KLHL33: variants seen among roughly 807,000 people sequenced by gnomAD.
KLHL33 encodes kelch-like protein 33.
KLHL33 carries 46 observed loss-of-function variants against 60.8 expected under a neutral mutation model. The observed-to-expected ratio is 0.76, with a 90% CI of 0.60 to 0.97. The LOEUF (loss-of-function observed/expected upper bound fraction) is 0.97, where lower values mean the gene tolerates loss of function less well. Ranked by LOEUF, KLHL33 falls within the 50% of genes least tolerant of loss-of-function variation. KLHL33 has a pLI of 0.00. For synonymous variants in KLHL33, 434 were observed against 432.2 expected (o/e 1.00, Z -0.05); for missense variants, 1,055 against 1,000.0 (o/e 1.05, Z -0.74).
Position 20,430,306 on chromosome 14 carries a change from C to G in KLHL33, c.1162G>C (p.Asp388His). ...LPAACLAELL[D>H]SDELHVQEEF... ...TCCTGCACATGGAGCTCATCACTAT[C>G]CAGGAGCTCAGCCAAGCAGGCAGCT... The change falls in exon 3 of 5, where the codon GAT becomes CAT. Residue 388 changes from aspartate (D) to histidine (H), a missense_variant. Coordinates refer to ENST00000636854, the MANE Select transcript of KLHL33 (RefSeq NM_001365790.2). 1 of 1,551,820 alleles carries G rather than the reference C, an allele frequency of 6.4e-7. No individual in the cohort carries two copies. The highest frequency in any genetic ancestry group is 1.7e-4 in the Middle Eastern group (1 of 5,992).
At chr14:20,432,984 A>AAGAG (rs1555330533) in intron 2 of KLHL33, among the ~76,000 whole-genome samples, 2 of 151,608 alleles carry the variant, frequency 1.3e-5, no homozygotes, top group East Asian at 3.9e-4. Flanking sequence ...GAAAGAAAGA[A>AAGAG]AGAGAGAAAT....
Position 20,428,604 on chromosome 14 carries a change from T to TA in KLHL33, c.*244_*245insT. On this transcript the variant is annotated 3_prime_UTR_variant, in exon 5 of 5. Transcript: ENST00000636854. ...TAAGAATCCCTAAGCCTTGTGGAGT[T>TA]GCTCCCGAGTCTCCTTTCCTCACCT... is the stretch of plus-strand genomic sequence containing the variant. 2.1e-6 allele frequency: 1 copy of TA among 487,122 alleles called. No homozygotes were observed. The highest frequency in any genetic ancestry group is 3.7e-6 in the Non-Finnish European group (1 of 273,184). 30.2% of individuals were successfully genotyped at this position (487,122 alleles called of 1,614,324 possible). A position where few individuals can be genotyped will look rare whatever the true frequency, so the allele number is the denominator to read the frequency against.
chr14:20,429,986 T>C lies in KLHL33; in HGVS notation c.1482A>G (p.Arg494=). 1 of 1,551,640 alleles carries C rather than the reference T, an allele frequency of 6.4e-7. No homozygotes were observed. Among genetic ancestry groups the C allele is most frequent in the Non-Finnish European group, 8.7e-7 (1 of 1,146,982 alleles). Residue 494 remains arginine, a synonymous_variant, in exon 3 of 5, where the codon CGA becomes CGG. Coordinates refer to ENST00000636854, the MANE Select transcript of KLHL33 (RefSeq NM_001365790.2). ...GGAAGGCCCGGGCCCACCACACTGC[T>C]CGGGATGGTTGTCTTAGGGCCATGT... ...RPDMALRQPS[R]AVWWARAFRC...
At chr14:20,434,581 A>G (rs926287307) in intron 2 of KLHL33, among the ~76,000 whole-genome samples, 14 of 151,354 alleles carry the variant, frequency 9.2e-5, no homozygotes, top group Admixed American at 5.3e-4. Flanking sequence ...GTAACCTTAA[A>G]CAGTACCAGA....
chr14:20,433,655 C>G (rs12897016), intron 2 of KLHL33, among the ~76,000 whole-genome samples: 18,493 of 152,174 alleles, frequency 0.12, 1,270 homozygotes, highest in East Asian at 0.18. Flanking sequence ...GTGACAGATT[C>G]GCAACCATTA....
chr14:20,431,591 G>C (rs1017524847), intron 2 of KLHL33, among the ~76,000 whole-genome samples: 3 of 152,178 alleles, frequency 2.0e-5, no homozygotes, highest in Admixed American at 2.0e-4. Context: ...AGCCGGGCAT[G>C]GTGGCAGGCG....
Position 20,430,369 on chromosome 14 carries a change from G to C in KLHL33, c.1099C>G (p.Pro367Ala), listed in dbSNP as rs775687666. Residue 367 changes from proline to alanine, a missense_variant, in exon 3 of 5, where the codon CCT becomes GCT. Coordinates refer to ENST00000636854, the MANE Select transcript of KLHL33 (RefSeq NM_001365790.2). ...KARHYLLTHL[P>A]AVALCPAFPS... ...AAAGCAGGACACAAGGCTACAGCAG[G>C]CAGGTGGGTGAGGAGGTAGTGACGG... 9 of 1,551,874 alleles carry C rather than the reference G, an allele frequency of 5.8e-6. No homozygotes were observed. In the South Asian group the frequency reaches 5.9e-5, roughly 10 times the overall value.
rs1427163899 is a variant in KLHL33, at chr14:20,429,100, G to A, written c.2143C>T (p.Leu715=). The A allele has an allele frequency of 6.4e-7, 1 of 1,551,708 alleles. No individual in the cohort carries two copies. The highest frequency in any genetic ancestry group is 8.7e-7 in the Non-Finnish European group (1 of 1,147,000). The change falls in exon 5 of 5, where the codon CTA becomes TTA. Residue 715 remains leucine (L), a synonymous_variant. Transcript: ENST00000636854. ...RTDSWTHLAP[L]PSPHVGAASA... ...GCAGCCCCCACATGGGGGGAGGGTAGGGGTGCCAGGTGAGTCCAGCTATCA... is the reference window on the plus strand; with the variant it reads ...GCAGCCCCCACATGGGGGGAGGGTAAGGGTGCCAGGTGAGTCCAGCTATCA...
At chr14:20,430,895 C>T (rs1180161080) in intron 2 of KLHL33, among the ~76,000 whole-genome samples, 176 bp from the exon 3 acceptor site, 1 of 152,192 alleles carries the variant, frequency 6.6e-6, no homozygotes, top group Non-Finnish European at 1.5e-5. Context: ...TGTTAAAATG[C>T]AGGTTTCAGC....
Position 20,427,352 on chromosome 14 carries a change from A to T in KLHL33, c.*1497T>A, listed in dbSNP as rs867498075. 6.6e-6 allele frequency: 1 copy of T among 152,176 alleles called. No individual in the cohort carries two copies. The highest frequency in any genetic ancestry group is 6.5e-5 in the Admixed American group (1 of 15,274). 9.4% of individuals were successfully genotyped at this position (152,176 alleles called of 1,614,324 possible). A position where few individuals can be genotyped will look rare whatever the true frequency, so the allele number is the denominator to read the frequency against. On this transcript the variant is annotated 3_prime_UTR_variant, in exon 5 of 5. Coordinates refer to ENST00000636854, the MANE Select transcript of KLHL33 (RefSeq NM_001365790.2). ...TAGAGGGCGGGAATACACAATCATT[A>T]AGTGAAAGCCATTATCCTCAGGAAG... is the stretch of plus-strand genomic sequence containing the variant.
chr14:20,435,724 G>A lies in KLHL33; in HGVS notation c.88C>T (p.His30Tyr). The change falls in exon 2 of 5, where the codon CAC (histidine) becomes TAC (tyrosine). Residue 30 changes from histidine (H) to tyrosine (Y), a missense_variant. Coordinates refer to ENST00000636854, the MANE Select transcript of KLHL33 (RefSeq NM_001365790.2). ...VQRDCLGLLV[H>Y]AQRTPSWPPS... ...GGCCAGGAAGGGGTTCTCTGGGCGT[G>A]CACAAGGAGTCCAAGGCAGTCCCTC... 8.1e-7 allele frequency: 1 copy of A among 1,234,778 alleles called. No homozygotes were observed. The highest frequency in any genetic ancestry group is 1.0e-6 in the Non-Finnish European group (1 of 988,472). 76.5% of individuals were successfully genotyped at this position (1,234,778 alleles called of 1,614,324 possible).
At position 20,430,549 on chromosome 14, in the gene KLHL33, GC is replaced by G; in HGVS notation, c.918del (p.Leu307TyrfsTer2). ...YSGVVRARWPGLLRAAQAALQ... is the reference protein window; with the variant it reads ...YSGVVRARWPXLLRAAQAALQ... ...AGAGCAGCCTGGGCAGCTCTCAGTAGCCCTGGCCACCTTGCCCGCACAACTC... is the reference window on the plus strand; with the variant it reads ...AGAGCAGCCTGGGCAGCTCTCAGTAGCCTGGCCACCTTGCCCGCACAACTC... On this transcript the variant is annotated frameshift_variant, in exon 3 of 5. Transcript: ENST00000636854. LOFTEE classifies it high-confidence loss of function. The G allele has an allele frequency of 6.5e-7, 1 of 1,542,108 alleles. No homozygotes were observed. The highest frequency in any genetic ancestry group is 8.7e-7 in the Non-Finnish European group (1 of 1,147,008).
rs143205559 is a variant in KLHL33 at position 20,431,684 on chromosome 14, G to A, written c.749-965C>T. On this transcript the variant is annotated intron_variant, in intron 2 of 4. Coordinates refer to ENST00000636854, the MANE Select transcript of KLHL33 (RefSeq NM_001365790.2). ...GAGGGTTGCAATGAGCTGAGACTGC[G>A]CCGCTGCACCCAGCCTGGGTGACAG... 1.4e-3 allele frequency among the ~76,000 whole-genome samples: 210 copies of A among 152,318 alleles called. 1 individual carries two copies. Among genetic ancestry groups the A allele is most frequent in the African/African-American group, 4.5e-3 (186 of 41,568 alleles).
In KLHL33 at chr14:20,436,144, C is replaced by T. The variant is rs765193908; in HGVS notation, c.-65G>A. 1.2e-4 allele frequency: 23 copies of T among 191,786 alleles called. No homozygotes were observed. Among genetic ancestry groups the T allele is most frequent in the Non-Finnish European group, 2.3e-4 (22 of 94,750 alleles). 11.9% of individuals were successfully genotyped at this position (191,786 alleles called of 1,614,324 possible). ...CCGCTTGCCCTCTCACTTAAGCGCC[C>T]GCTGTGCTTGGGGCTGCGTGGCAGA... On this transcript the variant is annotated 5_prime_UTR_variant, in exon 1 of 5. Transcript: ENST00000636854.
In KLHL33 at chr14:20,435,405, C is replaced by T. The variant is rs1001676263; in HGVS notation, c.407G>A (p.Ser136Asn). The T allele has an allele frequency of 1.6e-6, 2 of 1,234,378 alleles. No homozygotes were observed. Among genetic ancestry groups the T allele is most frequent in the Non-Finnish European group, 2.0e-6 (2 of 988,162 alleles). 76.5% of individuals were successfully genotyped at this position (1,234,378 alleles called of 1,614,324 possible). A position where few individuals can be genotyped will look rare whatever the true frequency, so the allele number is the denominator to read the frequency against. Residue 136 changes from serine (S) to asparagine (N), a missense_variant, in exon 2 of 5, where the codon AGC becomes AAC. Coordinates refer to ENST00000636854, the MANE Select transcript of KLHL33 (RefSeq NM_001365790.2). ...VHRVILAAIS[S>N]LFRDRLLGGG... The stretch of plus-strand genomic sequence containing the variant: ...GCCCAGCAGCCTGTCTCGGAAGAGG[C>T]TGCTGATTGCGGCCAGGATCACCCG...
At chr14:20,432,930 GA>G (rs1383396545) in intron 2 of KLHL33, among the ~76,000 whole-genome samples, 2 of 135,134 alleles carry the variant, frequency 1.5e-5, no homozygotes, top group African/African-American at 5.8e-5. Context: ...TCAAAAAAAA[GA>G]AAGAAAGAAA....
At chr14:20,429,756 A>G (rs772149850) in intron 3 of KLHL33, 39 bp downstream of exon 3, 16 of 1,522,164 alleles carry the variant, frequency 1.1e-5, no homozygotes, top group Non-Finnish European at 1.4e-5. Context: ...TGCCCACCTT[A>G]GGGCCTGCCA....
In KLHL33 at chr14:20,430,452, C is replaced by G. The variant is rs1234449231; in HGVS notation, c.1016G>C (p.Cys339Ser). The G allele has an allele frequency of 1.3e-6, 2 of 1,551,600 alleles. No homozygotes were observed. Among genetic ancestry groups the G allele is most frequent in the Admixed American group, 3.9e-5 (2 of 51,012 alleles). ...TTCCGCCATGGGGAACAGGGCCAGG[C>G]AACGGGCAGGGCTGAGGCCCCGTGC... ...GLARGLSPARCLALFPMAEAP... is the reference protein window; with the variant it reads ...GLARGLSPARSLALFPMAEAP... Residue 339 changes from cysteine (C) to serine (S), a missense_variant, in exon 3 of 5, where the codon TGC becomes TCC. Transcript: ENST00000636854.
At position 20,435,352 on chromosome 14, in the gene KLHL33, G is replaced by T. The variant is rs991297275; in HGVS notation, c.460C>A (p.Leu154Ile). 31 of 1,234,178 alleles carry T rather than the reference G, an allele frequency of 2.5e-5. No individual in the cohort carries two copies. The African/African-American group carries it at 4.2e-4, about 17-fold the overall frequency. 76.5% of individuals were successfully genotyped at this position (1,234,178 alleles called of 1,614,324 possible). A position where few individuals can be genotyped will look rare whatever the true frequency, so the allele number is the denominator to read the frequency against. Residue 154 changes from leucine (L) to isoleucine (I), a missense_variant, in exon 2 of 5, where the codon CTC becomes ATC. By Grantham distance (5) the Leu-to-Ile change is conservative. Transcript: ENST00000636854. ...TCCCAGCCCCCTGGGGACACCTCGA[G>T]GCTGAAGGGGGGCCGCGGACCTCCG... ...GGGGPRPPFS[L>I]EVSPGGWEAV...
Sources: gnomAD v4.1 joint callset for allele counts (sites outside exome capture counted in the v4.1 genomes callset) on GRCh38, gnomAD v4.1.1 for gene constraint, MANE v1.5 for transcripts, NCBI Gene and HGNC (gene_info 2026-07-23, HGNC 2026-07-21) for gene names.